The following CACHD1 variants were observed in gnomAD, a reference collection of about 807,000 sequenced individuals.
CACHD1 encodes VWFA and cache domain-containing protein 1.
Under a neutral mutation model 138.7 loss-of-function variants are expected in CACHD1, and 71 were observed. The observed-to-expected ratio is 0.51, with a 90% confidence interval of 0.42 to 0.62. The LOEUF is 0.62. Ranked by LOEUF, CACHD1 falls within the 20% of genes least tolerant of loss-of-function variation. The pLI is 0.00. For synonymous variants in CACHD1, 578 were observed against 591.5 expected (o/e 0.98, Z 0.33); for missense variants, 1,389 against 1,625.3 (o/e 0.85, Z 2.50).
Position 64,634,032 on chromosome 1 carries a change from T to C in CACHD1, c.790-12T>C, listed in dbSNP as rs80072687. The C allele has an allele frequency of 1.3e-6, 2 of 1,571,918 alleles. No homozygotes were observed. The highest frequency in any genetic ancestry group is 1.9e-5 in the Admixed American group (1 of 52,140). ...CAAGTTTGGTGGTTTTTTTTTTTTTTCTTTCCTGCAGATTTCTGTGTTAAC... is the reference window on the plus strand; with the variant it reads ...CAAGTTTGGTGGTTTTTTTTTTTTTCCTTTCCTGCAGATTTCTGTGTTAAC... On this transcript the variant is annotated splice_polypyrimidine_tract_variant and intron_variant, in intron 6 of 26. Coordinates refer to ENST00000651257, the MANE Select transcript of CACHD1 (RefSeq NM_020925.4).
rs1648290678 is a variant in CACHD1 at position 64,631,166 on chromosome 1, T to C, written c.645-1433T>C. Among the ~76,000 whole-genome samples, 3 of 152,230 alleles carry C rather than the reference T, an allele frequency of 2.0e-5. No individual in the cohort carries two copies. The South Asian group carries it at 6.2e-4, about 31-fold the overall frequency. On this transcript the variant is annotated intron_variant, in intron 5 of 26. Transcript: ENST00000651257. ...AGCGTTTAACAACTTAATGTGACAA[T>C]GCCAACACATATCCCAAGTTTCATT...
chr1:64,500,056 C>T (rs1646329594), intron 1 of CACHD1, among the ~76,000 whole-genome samples: 1 of 152,158 alleles, frequency 6.6e-6, no homozygotes, highest in Admixed American at 6.5e-5. Context: ...ATTGATGTGG[C>T]CTTCTTCTAT....
chr1:64,678,196 G>T lies in CACHD1; in HGVS notation c.3130G>T (p.Val1044Leu), dbSNP rs1422056950. ...GGTGCTGGATTGTGAATGGTGCATG[G>T]TGGACAGTGATGGAAAGACTCACCT... ...FGVLDCEWCM[V>L]DSDGKTHLDK... Residue 1044 changes from valine to leucine, a missense_variant, in exon 23 of 27, where the codon GTG becomes TTG. By Grantham distance (32) the Val-to-Leu change is conservative (BLOSUM62 1). Transcript: ENST00000651257. 6.2e-7 allele frequency: 1 copy of T among 1,612,750 alleles called. No homozygotes were observed. The highest frequency in any genetic ancestry group is 8.5e-7 in the Non-Finnish European group (1 of 1,179,476).
intron 2 of CACHD1, among the ~76,000 whole-genome samples, chr1:64,554,292 C>G (rs779105490): frequency 2.0e-5 from 3 of 152,180 alleles, no homozygotes; most frequent in Non-Finnish European, 4.4e-5. Flanking sequence ...TTTTATTATC[C>G]TTGGCCTCCT....
chr1:64,507,666 G>T (rs1468025308), intron 1 of CACHD1, among the ~76,000 whole-genome samples: 1 of 152,198 alleles, frequency 6.6e-6, no homozygotes, highest in African/African-American at 2.4e-5. Flanking sequence ...CACGAGCCAG[G>T]AAGAAGTAAG....
rs569888412 is a variant in CACHD1, at chr1:64,571,069, T to C, written c.262-11087T>C. On this transcript the variant is annotated intron_variant, in intron 2 of 26. Transcript: ENST00000651257. ...AAGGCCTTTTCTCTATTGAGTGATA[T>C]TAGCGCATTACAACTGGCTTCATTG... is the stretch of plus-strand genomic sequence containing the variant. Among the ~76,000 whole-genome samples the C allele has an allele frequency of 1.8e-4, 27 of 152,272 alleles. No homozygotes were observed. The East Asian group carries it at 4.4e-3, about 25-fold the overall frequency.
At chr1:64,581,609 T>G (rs1322833910) in intron 2 of CACHD1, among the ~76,000 whole-genome samples, 2 of 152,202 alleles carry the variant, frequency 1.3e-5, no homozygotes, top group African/African-American at 2.4e-5. Flanking sequence ...GTGCATTTCA[T>G]TTATATGGAT....
rs769235180 is a variant in CACHD1, at chr1:64,675,505, C to G, written c.2832C>G (p.Asp944Glu). 1 of 1,613,500 alleles carries G rather than the reference C, an allele frequency of 6.2e-7. No individual in the cohort carries two copies. The highest frequency in any genetic ancestry group is 8.5e-7 in the Non-Finnish European group (1 of 1,179,444). ...AFVGIVNETC[D>E]SLAFCACSMV... Reference sequence around the variant, plus strand: ...TTGGCATTGTCAACGAAACCTGCGACTCTCTTGCCTTCTGTGCCTGCAGCA... The same window carrying G: ...TTGGCATTGTCAACGAAACCTGCGAGTCTCTTGCCTTCTGTGCCTGCAGCA... The change falls in exon 20 of 27, where the codon GAC (aspartate) becomes GAG (glutamate). Residue 944 changes from aspartate to glutamate, a missense_variant. Physicochemically the swap from Asp to Glu is conservative, Grantham distance 45. Coordinates refer to ENST00000651257, the MANE Select transcript of CACHD1 (RefSeq NM_020925.4).
rs11208489 is a variant in CACHD1 at position 64,658,179 on chromosome 1, G to A, written c.1783-526G>A. 2.0e-3 allele frequency among the ~76,000 whole-genome samples: 310 copies of A among 152,322 alleles called. 1 individual carries two copies. The highest frequency in any genetic ancestry group is 7.0e-3 in the African/African-American group (290 of 41,564). On this transcript the variant is annotated intron_variant, in intron 12 of 26. Coordinates refer to ENST00000651257, the MANE Select transcript of CACHD1 (RefSeq NM_020925.4). ...TAGTGATGTTGGTCATTTCCAACCA[G>A]GAGAAGAGAAAGCATTCGTTGGAAT...
At position 64,663,844 on chromosome 1, in the gene CACHD1, A is replaced by T. The variant is rs1041986875; in HGVS notation, c.2094+7A>T. ...TGCTAACCCGGGCCTCAAAGTAAGC[A>T]TTGGCGCAGAGCTCCATTTCTGGTG... On this transcript the variant is annotated splice_region_variant and intron_variant, in intron 14 of 26. Transcript: ENST00000651257. The T allele has an allele frequency of 7.4e-6, 12 of 1,614,104 alleles. No individual in the cohort carries two copies. Among genetic ancestry groups the T allele is most frequent in the Admixed American group, 1.7e-5 (1 of 60,018 alleles).
intron 4 of CACHD1, among the ~76,000 whole-genome samples, chr1:64,614,108 A>T (rs558003725): frequency 4.5e-4 from 69 of 152,346 alleles, no homozygotes; most frequent in Non-Finnish European, 8.8e-4. Flanking sequence ...ACCTAATACG[A>T]GTCATTGTCC....
intron 4 of CACHD1, among the ~76,000 whole-genome samples, chr1:64,620,962 A>G (rs1647893202): frequency 6.6e-6 from 1 of 152,160 alleles, no homozygotes; most frequent in South Asian, 2.1e-4. Context: ...CCCACTACAC[A>G]GTCTTTAGTG....
chr1:64,566,489 C>CCCCCG lies in CACHD1; in HGVS notation c.262-15666_262-15665insCCCGC, dbSNP rs1491117903. ...CTGTATGTTTTCAATTCCCCCCCCC[C>CCCCCG]CACAAGGTATGGGGGAAGTACTGCC... On this transcript the variant is annotated intron_variant, in intron 2 of 26. Transcript: ENST00000651257. Among the ~76,000 whole-genome samples the CCCCCG allele has an allele frequency of 2.1e-5, 3 of 143,198 alleles. No homozygotes were observed. The South Asian group carries it at 7.2e-4, about 35-fold the overall frequency. The allele number at this position is 143,198 out of a possible 152,430, so 93.9% of individuals were successfully genotyped here.
chr1:64,518,861 TGGGA>T (rs772686364), intron 1 of CACHD1, among the ~76,000 whole-genome samples: 1 of 152,186 alleles, frequency 6.6e-6, no homozygotes, highest in Non-Finnish European at 1.5e-5. Context: ...CCTTATTCCC[TGGGA>T]GTTGGAGCCT....
chr1:64,512,369 C>T (rs190498018), intron 1 of CACHD1, among the ~76,000 whole-genome samples: 10 of 133,454 alleles, frequency 7.5e-5, no homozygotes, highest in African/African-American at 2.3e-4. Flanking sequence ...ACTCCAGCCT[C>T]GGTGACACAG....
intron 26 of CACHD1, 131 bp downstream of exon 26, chr1:64,682,237 C>G: frequency 4.0e-6 from 3 of 751,336 alleles, no homozygotes; most frequent in East Asian, 2.7e-5. Flanking sequence ...TATAAGAGCC[C>G]GAGGACAGTT....
At chr1:64,568,642 A>T (rs1462599884) in intron 2 of CACHD1, among the ~76,000 whole-genome samples, 2 of 152,170 alleles carry the variant, frequency 1.3e-5, no homozygotes, top group African/African-American at 4.8e-5. Flanking sequence ...GTTAAAATAT[A>T]TGTGAATGCA....
chr1:64,521,682 T>A (rs1646498978), intron 1 of CACHD1, among the ~76,000 whole-genome samples: 1 of 152,228 alleles, frequency 6.6e-6, no homozygotes, highest in Non-Finnish European at 1.5e-5. Flanking sequence ...TGTGTAGAAG[T>A]TTTGATATAG....
At chr1:64,472,164 T>C (rs143348451) in intron 1 of CACHD1, among the ~76,000 whole-genome samples, 59 of 140,288 alleles carry the variant, frequency 4.2e-4, no homozygotes, top group Non-Finnish European at 7.4e-4. Flanking sequence ...ACTTTTGGGA[T>C]TTAGGTTTCT....
Sources: gnomAD v4.1 joint callset for allele counts (sites outside exome capture counted in the v4.1 genomes callset) on GRCh38, gnomAD v4.1.1 for gene constraint, MANE v1.5 for transcripts, NCBI Gene and HGNC (gene_info 2026-07-23, HGNC 2026-07-21) for gene names.